Variants in LRRC14 observed in about 807,000 individuals in gnomAD.
LRRC14 encodes the protein leucine-rich repeat-containing protein 14.
A neutral mutation model predicts 25.3 loss-of-function variants in LRRC14; 16 were observed. The ratio of observed to expected loss-of-function variants is 0.63; its 90% CI spans 0.43 to 0.96. The LOEUF (loss-of-function observed/expected upper bound fraction) is 0.96. LRRC14 is among the 40% of genes least tolerant of loss of function. The pLI, the probability that LRRC14 is intolerant of heterozygous loss-of-function variation, is 0.00. For missense variants in LRRC14, 594 were observed against 660.5 expected, an observed-to-expected ratio of 0.90 and a Z score of 1.10; for synonymous variants, 359 against 295.1, an observed-to-expected ratio of 1.22 and a Z score of -2.22.
In LRRC14 at chr8:144,524,000, C is replaced by T. The variant is rs905029201; in HGVS notation, c.*2522C>T. The T allele has an allele frequency of 1.2e-5, 16 of 1,323,114 alleles. No individual in the cohort carries two copies. The highest frequency in any genetic ancestry group is 1.6e-5 in the Non-Finnish European group (15 of 959,358). 82.0% of individuals were successfully genotyped at this position (1,323,114 alleles called of 1,614,324 possible). On this transcript the variant is annotated 3_prime_UTR_variant, in exon 4 of 4. Coordinates refer to ENST00000292524, the MANE Select transcript of LRRC14 (RefSeq NM_014665.4). ...GTGTGGCTGCAGGCGGTGGTGCAGCCTTCCAGACTGCTGCCCAGTTGCCTG... is the reference window on the plus strand; with the variant it reads ...GTGTGGCTGCAGGCGGTGGTGCAGCTTTCCAGACTGCTGCCCAGTTGCCTG...
In LRRC14 at chr8:144,523,336, G is replaced by T. The variant is rs546623578; in HGVS notation, c.*1858G>T. 3 of 1,592,400 alleles carry T rather than the reference G, an allele frequency of 1.9e-6. No individual in the cohort carries two copies. In the African/African-American group the frequency reaches 4.0e-5, roughly 21 times the overall value. On this transcript the variant is annotated 3_prime_UTR_variant, in exon 4 of 4. Transcript: ENST00000292524. The stretch of plus-strand genomic sequence containing the variant: ...ACATGATCTTCCTGTCCCTGGAGGT[G>T]AGCAGCCGCTGGCCGCCCTCCTTGA...
At position 144,524,840 on chromosome 8, in the gene LRRC14, C is replaced by G. The variant is rs1038035739; in HGVS notation, c.*3362C>G. On this transcript the variant is annotated 3_prime_UTR_variant, in exon 4 of 4. Coordinates refer to ENST00000292524, the MANE Select transcript of LRRC14 (RefSeq NM_014665.4). ...CCTGCGTCCCTGGCGGGATTCCCAGCGGGACGACGCGCAACCGCAGGGCGC... is the reference window on the plus strand; with the variant it reads ...CCTGCGTCCCTGGCGGGATTCCCAGGGGGACGACGCGCAACCGCAGGGCGC... 1.4e-6 allele frequency: 2 copies of G among 1,479,010 alleles called. No homozygotes were observed. Among genetic ancestry groups the G allele is most frequent in the African/African-American group, 1.4e-5 (1 of 70,250 alleles). 91.6% of individuals were successfully genotyped at this position (1,479,010 alleles called of 1,614,324 possible). A position where few individuals can be genotyped will look rare whatever the true frequency, so the allele number is the denominator to read the frequency against.
In LRRC14 at chr8:144,524,757, C is replaced by T. The variant is rs1416439606; in HGVS notation, c.*3279C>T. On this transcript the variant is annotated 3_prime_UTR_variant, in exon 4 of 4. Transcript: ENST00000292524. Reference sequence around the variant, plus strand: ...GAAAGAGGAGGCGCTTACCCCGTTGCGGGGGTCTTCCTCTCCCTGGGGGCA... The same window carrying T: ...GAAAGAGGAGGCGCTTACCCCGTTGTGGGGGTCTTCCTCTCCCTGGGGGCA... The T allele has an allele frequency of 2.1e-6, 3 of 1,433,336 alleles. No homozygotes were observed. The highest frequency in any genetic ancestry group is 2.9e-5 in the South Asian group (2 of 68,984). 88.8% of individuals were successfully genotyped at this position (1,433,336 alleles called of 1,614,324 possible).
rs1304562301 is a variant in LRRC14 at position 144,521,935 on chromosome 8, C to T, written c.*457C>T. 1.1e-5 allele frequency: 2 copies of T among 185,300 alleles called. No homozygotes were observed. Among genetic ancestry groups the T allele is most frequent in the African/African-American group, 2.4e-5 (1 of 42,356 alleles). 11.5% of individuals were successfully genotyped at this position (185,300 alleles called of 1,614,324 possible). A position where few individuals can be genotyped will look rare whatever the true frequency, so the allele number is the denominator to read the frequency against. ...AGTCCCCAGGCACTCACGCCTCTTACGTGTTCCCTACCCTGCCACCCAGCC... is the reference window on the plus strand; with the variant it reads ...AGTCCCCAGGCACTCACGCCTCTTATGTGTTCCCTACCCTGCCACCCAGCC... On this transcript the variant is annotated 3_prime_UTR_variant, in exon 4 of 4. Coordinates refer to ENST00000292524, the MANE Select transcript of LRRC14 (RefSeq NM_014665.4).
chr8:144,524,610 T>C lies in LRRC14; in HGVS notation c.*3132T>C. 6.6e-7 allele frequency: 1 copy of C among 1,525,110 alleles called. No homozygotes were observed. Among genetic ancestry groups the C allele is most frequent in the Non-Finnish European group, 8.7e-7 (1 of 1,144,646 alleles). 94.5% of individuals were successfully genotyped at this position (1,525,110 alleles called of 1,614,324 possible). A position where few individuals can be genotyped will look rare whatever the true frequency, so the allele number is the denominator to read the frequency against. On this transcript the variant is annotated 3_prime_UTR_variant, in exon 4 of 4. Transcript: ENST00000292524. ...CGGCTGCGCGCGGAAGGCGCCGGCC[T>C]CCAGGGCGCGCAGGCTGTTGTTGTG...
In LRRC14 at chr8:144,525,063, G is replaced by T; in HGVS notation, c.*3585G>T. 1 of 1,337,402 alleles carries T rather than the reference G, an allele frequency of 7.5e-7. No homozygotes were observed. Among genetic ancestry groups the T allele is most frequent in the Non-Finnish European group, 9.6e-7 (1 of 1,044,476 alleles). The allele number at this position is 1,337,402 out of a possible 1,614,324, so 82.8% of individuals were successfully genotyped here. ...AACACAGGTTGGCAGGCCAGTCTCG[G>T]CAGTCGAGAGCCAGCCAATAGATGG... On this transcript the variant is annotated 3_prime_UTR_variant, in exon 4 of 4. Transcript: ENST00000292524.
rs759410316 is a variant in LRRC14 at position 144,524,441 on chromosome 8, C to T, written c.*2963C>T. 4.4e-6 allele frequency: 7 copies of T among 1,597,794 alleles called. No individual in the cohort carries two copies. Among genetic ancestry groups the T allele is most frequent in the Middle Eastern group, 1.7e-4 (1 of 6,038 alleles). ...GCCCCTTTAGACCCCAGGCGCTCAC[C>T]GGCAGGTGCAAGAAGGTGAAATCCA... On this transcript the variant is annotated 3_prime_UTR_variant, in exon 4 of 4. Transcript: ENST00000292524.
In LRRC14 at chr8:144,524,170, C is replaced by G; in HGVS notation, c.*2692C>G. 2.5e-6 allele frequency: 4 copies of G among 1,611,138 alleles called. No homozygotes were observed. In the South Asian group the frequency reaches 4.4e-5, roughly 18 times the overall value. On this transcript the variant is annotated 3_prime_UTR_variant, in exon 4 of 4. Coordinates refer to ENST00000292524, the MANE Select transcript of LRRC14 (RefSeq NM_014665.4). Reference sequence around the variant, plus strand: ...TGCAGGGCCTCTCGGCTGATGGTGCCCAGCTGGTTCCTGCTGAGGTCCAGC... The same window carrying G: ...TGCAGGGCCTCTCGGCTGATGGTGCGCAGCTGGTTCCTGCTGAGGTCCAGC...
Position 144,524,925 on chromosome 8 carries a change from G to GGCAGTAGTAGCA in LRRC14, c.*3452_*3463dup. ...TGCTGGGCAGCCGGCGGCGCGGAGC[G>GGCAGTAGTAGCA]GCAGTAGTAGCAGCAGCAGCGGCAG... is the stretch of plus-strand genomic sequence containing the variant. On this transcript the variant is annotated 3_prime_UTR_variant, in exon 4 of 4. Coordinates refer to ENST00000292524, the MANE Select transcript of LRRC14 (RefSeq NM_014665.4). 6.6e-7 allele frequency: 1 copy of GGCAGTAGTAGCA among 1,513,118 alleles called. No individual in the cohort carries two copies. The highest frequency in any genetic ancestry group is 1.2e-5 in the South Asian group (1 of 82,616). The allele number at this position is 1,513,118 out of a possible 1,614,324, so 93.7% of individuals were successfully genotyped here. A position where few individuals can be genotyped will look rare whatever the true frequency, so the allele number is the denominator to read the frequency against.
At position 144,524,881 on chromosome 8, in the gene LRRC14, C is replaced by T. The variant is rs1352255032; in HGVS notation, c.*3403C>T. 2.0e-6 allele frequency: 3 copies of T among 1,513,004 alleles called. No individual in the cohort carries two copies. Among genetic ancestry groups the T allele is most frequent in the Non-Finnish European group, 2.6e-6 (3 of 1,132,164 alleles). 93.7% of individuals were successfully genotyped at this position (1,513,004 alleles called of 1,614,324 possible). On this transcript the variant is annotated 3_prime_UTR_variant, in exon 4 of 4. Coordinates refer to ENST00000292524, the MANE Select transcript of LRRC14 (RefSeq NM_014665.4). Reference sequence around the variant, plus strand: ...CGCAGGGCGCCACACTCCACCGTGGCGCTGTAGCAGCGGCAGGCTGCTGGG... The same window carrying T: ...CGCAGGGCGCCACACTCCACCGTGGTGCTGTAGCAGCGGCAGGCTGCTGGG...
chr8:144,520,805 G>A lies in LRRC14; in HGVS notation c.897G>A (p.Arg299=), dbSNP rs756647035. 1.6e-5 allele frequency: 26 copies of A among 1,597,294 alleles called. No homozygotes were observed. The South Asian group carries it at 2.2e-4, about 14-fold the overall frequency. ...TGGGCTCCTCTCTCCTTTCAGGGAG[G>A]CTGGACCAGCTGCTCAGGTGAGCGG... ...LSMGSSLLSG[R]LDQLLSTLQS... The change falls in exon 3 of 4, where the codon AGG becomes AGA. Residue 299 remains arginine, a synonymous_variant. Transcript: ENST00000292524.
chr8:144,519,378 A>G, intron 1 of LRRC14: 4 of 397,706 alleles, frequency 1.0e-5, no homozygotes, highest in Non-Finnish European at 9.4e-6. Context: ...GGCCTGAAGT[A>G]CCCATGGGGG....
In LRRC14 at chr8:144,520,897, T is replaced by G. The variant is rs1275805311; in HGVS notation, c.915-14T>G. 5.6e-6 allele frequency: 9 copies of G among 1,602,448 alleles called. No individual in the cohort carries two copies. Among genetic ancestry groups the G allele is most frequent in the Non-Finnish European group, 7.7e-6 (9 of 1,176,368 alleles). ...CCTGGCTCTGCCTGTCTGTGACCCCTGTGTCCCCTGTAGCACCCTGCAGAG... is the reference window on the plus strand; with the variant it reads ...CCTGGCTCTGCCTGTCTGTGACCCCGGTGTCCCCTGTAGCACCCTGCAGAG... On this transcript the variant is annotated splice_polypyrimidine_tract_variant and intron_variant, in intron 3 of 3. Coordinates refer to ENST00000292524, the MANE Select transcript of LRRC14 (RefSeq NM_014665.4).
At position 144,522,884 on chromosome 8, in the gene LRRC14, G is replaced by A. The variant is rs1033135552; in HGVS notation, c.*1406G>A. ...CTCGCTGCCGGCGGGGCGGGCGGCC[G>A]GAGGCGGCGGTTGCGCGGGCTGCTG... On this transcript the variant is annotated 3_prime_UTR_variant, in exon 4 of 4. Transcript: ENST00000292524. 27 of 1,269,930 alleles carry A rather than the reference G, an allele frequency of 2.1e-5. No homozygotes were observed. In the Admixed American group the frequency reaches 6.7e-4, roughly 32 times the overall value. The allele number at this position is 1,269,930 out of a possible 1,614,324, so 78.7% of individuals were successfully genotyped here. A position where few individuals can be genotyped will look rare whatever the true frequency, so the allele number is the denominator to read the frequency against.
rs1260633218 is a variant in LRRC14, at chr8:144,520,669, G to T, written c.761G>T (p.Arg254Leu). 1 of 1,601,330 alleles carries T rather than the reference G, an allele frequency of 6.2e-7. No individual in the cohort carries two copies. Among genetic ancestry groups the T allele is most frequent in the Non-Finnish European group, 8.5e-7 (1 of 1,179,962 alleles). The stretch of plus-strand genomic sequence containing the variant: ...CGCTTCCAGCACCTGGCCAGCCTGC[G>T]GCTCCACTATGTGCATGGGGATTCA... ...VARFQHLASL[R>L]LHYVHGDSRQ... The change falls in exon 3 of 4, where the codon CGG (arginine) becomes CTG (leucine). Residue 254 changes from arginine to leucine, a missense_variant. Coordinates refer to ENST00000292524, the MANE Select transcript of LRRC14 (RefSeq NM_014665.4).
Position 144,525,052 on chromosome 8 carries a change from G to T in LRRC14, c.*3574G>T. ...TGCCCTCCTGAAACACAGGTTGGCA[G>T]GCCAGTCTCGGCAGTCGAGAGCCAG... On this transcript the variant is annotated 3_prime_UTR_variant, in exon 4 of 4. Transcript: ENST00000292524. 7.4e-7 allele frequency: 1 copy of T among 1,355,740 alleles called. No homozygotes were observed. Among genetic ancestry groups the T allele is most frequent in the Non-Finnish European group, 9.5e-7 (1 of 1,057,594 alleles). The allele number at this position is 1,355,740 out of a possible 1,614,324, so 84.0% of individuals were successfully genotyped here. A position where few individuals can be genotyped will look rare whatever the true frequency, so the allele number is the denominator to read the frequency against.
Position 144,520,441 on chromosome 8 carries a change from A to G in LRRC14, c.533A>G (p.Tyr178Cys), listed in dbSNP as rs1045334652. The change falls in exon 3 of 4, where the codon TAT (tyrosine) becomes TGT (cysteine). Residue 178 changes from tyrosine to cysteine, a missense_variant. Coordinates refer to ENST00000292524, the MANE Select transcript of LRRC14 (RefSeq NM_014665.4). ...RVDLRVNRAS[Y>C]AFLREALRSS... is the part of the protein sequence containing the mutation. ...GACCTGCGGGTGAACCGGGCCTCCT[A>G]TGCGTTCCTGCGGGAGGCACTCCGA... The G allele has an allele frequency of 1.7e-5, 27 of 1,599,004 alleles. No individual in the cohort carries two copies. Among genetic ancestry groups the G allele is most frequent in the South Asian group, 3.3e-5 (3 of 90,842 alleles).
chr8:144,522,672 AGTC>A lies in LRRC14; in HGVS notation c.*1197_*1199del, dbSNP rs1816159721. On this transcript the variant is annotated 3_prime_UTR_variant, in exon 4 of 4. Coordinates refer to ENST00000292524, the MANE Select transcript of LRRC14 (RefSeq NM_014665.4). Reference sequence around the variant, plus strand: ...GCGAACGTACAGGGGCCGTCCAAGTAGTCGTTGACGAACAGCGCTCCCTCCCCC... The same window carrying A: ...GCGAACGTACAGGGGCCGTCCAAGTAGTTGACGAACAGCGCTCCCTCCCCC... 1 of 1,595,662 alleles carries A rather than the reference AGTC, an allele frequency of 6.3e-7. No individual in the cohort carries two copies. Among genetic ancestry groups the A allele is most frequent in the African/African-American group, 1.4e-5 (1 of 73,490 alleles).
Position 144,521,743 on chromosome 8 carries a change from T to G in LRRC14, c.*265T>G. The G allele has an allele frequency of 2.0e-6, 1 of 491,326 alleles. No individual in the cohort carries two copies. Among genetic ancestry groups the G allele is most frequent in the Non-Finnish European group, 3.6e-6 (1 of 275,074 alleles). 30.4% of individuals were successfully genotyped at this position (491,326 alleles called of 1,614,324 possible). A position where few individuals can be genotyped will look rare whatever the true frequency, so the allele number is the denominator to read the frequency against. ...CCTCCATTGCCCTGCTCAGTTTGGC[T>G]GCATTTGGCTGCCGTCTGGGGTCCT... On this transcript the variant is annotated 3_prime_UTR_variant, in exon 4 of 4. Coordinates refer to ENST00000292524, the MANE Select transcript of LRRC14 (RefSeq NM_014665.4).
Sources: gnomAD v4.1 joint callset for allele counts on GRCh38, gnomAD v4.1.1 for gene constraint, MANE v1.5 for transcripts, NCBI Gene and HGNC (gene_info 2026-07-23, HGNC 2026-07-21) for gene names.